LRRC37A2: variants seen among roughly 807,000 people sequenced by gnomAD.
LRRC37A2 encodes leucine rich repeat containing 37 member A2, also known as leucine-rich repeat-containing protein 37A2.
LRRC37A2 carries 9 observed loss-of-function variants against 68.8 expected under a neutral mutation model. The ratio of observed to expected loss-of-function variants is 0.13; its 90% CI spans 0.08 to 0.23. LRRC37A2 has a LOEUF of 0.23. Ranked by LOEUF, LRRC37A2 falls within the 10% of genes least tolerant of loss-of-function variation. LRRC37A2 has a pLI of 1.00. For synonymous variants in LRRC37A2, 63 were observed against 367.6 expected, an observed-to-expected ratio of 0.17 and a Z score of 9.48; for missense variants, 168 against 950.4, an observed-to-expected ratio of 0.18 and a Z score of 10.82.
At chr17:47,038,210 G>A in the LRRC37A2 span, among the ~76,000 whole-genome samples, 2 of 152,190 alleles carry the variant, frequency 1.3e-5, no homozygotes, top group Non-Finnish European at 2.9e-5. Flanking sequence ...GGTGGCTAAG[G>A]CAGGAGGATC....
the LRRC37A2 span, chr17:47,018,370 C>T: frequency 6.2e-7 from 1 of 1,610,760 alleles, no homozygotes; most frequent in African/African-American, 1.3e-5. Context: ...CATGAAGTCA[C>T]AGTTTCACCT....
chr17:46,737,998 A>G, the LRRC37A2 span, among the ~76,000 whole-genome samples: 9 of 151,964 alleles, frequency 5.9e-5, no homozygotes, highest in African/African-American at 1.9e-4. Flanking sequence ...GCAGTGACGC[A>G]GTCTCAATCA....
chr17:46,798,128 C>CA, the LRRC37A2 span, among the ~76,000 whole-genome samples: 4 of 152,168 alleles, frequency 2.6e-5, no homozygotes, highest in Non-Finnish European at 5.9e-5. Context: ...GGGGCTTCAC[C>CA]ATGTTGGCCA....
At chr17:46,978,105 G>T in the LRRC37A2 span, 1 of 155,042 alleles carries the variant, frequency 6.4e-6, no homozygotes, top group African/African-American at 2.4e-5. Flanking sequence ...TCCGCCAGGA[G>T]GGTACATGCC....
chr17:46,755,309 T>G, the LRRC37A2 span: 1 of 1,612,046 alleles, frequency 6.2e-7, no homozygotes, highest in Non-Finnish European at 8.5e-7. Flanking sequence ...TTCTGATGTA[T>G]TTAGATGGAT....
the LRRC37A2 span, among the ~76,000 whole-genome samples, chr17:46,897,583 A>G: frequency 6.6e-6 from 1 of 152,084 alleles, no homozygotes; most frequent in Non-Finnish European, 1.5e-5. Flanking sequence ...TCCTGGGGTG[A>G]TGGTGCTTGG....
the LRRC37A2 span, among the ~76,000 whole-genome samples, chr17:46,959,473 T>G: frequency 6.6e-6 from 1 of 152,202 alleles, no homozygotes; most frequent in Non-Finnish European, 1.5e-5. Context: ...CATCTTTCTT[T>G]TTGGAACTAA....
At chr17:46,748,999 G>C in the LRRC37A2 span, among the ~76,000 whole-genome samples, 1 of 152,152 alleles carries the variant, frequency 6.6e-6, no homozygotes, top group Admixed American at 6.5e-5. Flanking sequence ...GGCATGTGGT[G>C]GGGGAAGGGG....
chr17:46,931,114 T>C, the LRRC37A2 span: 8 of 1,595,988 alleles, frequency 5.0e-6, no homozygotes, highest in Non-Finnish European at 6.9e-6. Flanking sequence ...GAAAACGAAA[T>C]CCAAGCAAGC....
the LRRC37A2 span, among the ~76,000 whole-genome samples, chr17:46,990,898 T>C: frequency 2.0e-5 from 3 of 152,172 alleles, no homozygotes; most frequent in African/African-American, 7.2e-5. Context: ...CTTGAACTCT[T>C]GGCCTCAAGC....
chr17:46,498,993 G>A, the LRRC37A2 span, among the ~76,000 whole-genome samples: 2 of 150,366 alleles, frequency 1.3e-5, no homozygotes, highest in Admixed American at 1.3e-4. Flanking sequence ...GCATTTTAAA[G>A]TGCTTAGCAC....
chr17:46,704,932 A>C, the LRRC37A2 span: 3 of 1,448,644 alleles, frequency 2.1e-6, no homozygotes, highest in Non-Finnish European at 9.4e-7. Context: ...AGTGCCATTT[A>C]CTCAGTATTA....
chr17:46,856,941 T>TACTC, the LRRC37A2 span, among the ~76,000 whole-genome samples: 1 of 152,224 alleles, frequency 6.6e-6, no homozygotes, highest in South Asian at 2.1e-4. Context: ...AGCCCATGGC[T>TACTC]ACTCCACTTC....
the LRRC37A2 span, among the ~76,000 whole-genome samples, chr17:46,863,091 C>T: frequency 6.9e-6 from 1 of 145,756 alleles, no homozygotes; most frequent in Non-Finnish European, 1.5e-5. Flanking sequence ...AGAGCATACG[C>T]CAGCAATCAG....
the LRRC37A2 span, among the ~76,000 whole-genome samples, chr17:46,963,273 A>G: frequency 5.3e-5 from 8 of 152,238 alleles, no homozygotes; most frequent in Non-Finnish European, 1.0e-4. Flanking sequence ...AGCCAGGTGC[A>G]GTGGCTCACG....
chr17:46,722,926 GT>G, the LRRC37A2 span, among the ~76,000 whole-genome samples: 1 of 152,210 alleles, frequency 6.6e-6, no homozygotes, highest in Non-Finnish European at 1.5e-5. Context: ...CCCTCTGATA[GT>G]AATTAGCACA....
chr17:46,993,413 G>GGCAT, the LRRC37A2 span, among the ~76,000 whole-genome samples: 1 of 152,352 alleles, frequency 6.6e-6, no homozygotes, highest in Admixed American at 6.5e-5. Flanking sequence ...ATTTAAGGCA[G>GGCAT]GCATGCATAG....
the LRRC37A2 span, among the ~76,000 whole-genome samples, chr17:46,734,635 GTA>G: frequency 1.3e-5 from 2 of 152,112 alleles, no homozygotes; most frequent in Non-Finnish European, 2.9e-5. Context: ...TATAGTGAAT[GTA>G]TAGTGATCAA....
chr17:46,866,446 A>ATGTGTGTGTGAGGGAGTGTGAG, the LRRC37A2 span, among the ~76,000 whole-genome samples: 1 of 151,426 alleles, frequency 6.6e-6, no homozygotes, highest in Non-Finnish European at 1.5e-5. Context: ...ATGAATGTGG[A>ATGTGTGTGTGAGGGAGTGTGAG]TGTGTGTGTG....
Sources: gnomAD v4.1 joint callset for allele counts (sites outside exome capture counted in the v4.1 genomes callset) on GRCh38, gnomAD v4.1.1 for gene constraint, MANE v1.5 for transcripts, NCBI Gene and HGNC (gene_info 2026-07-23, HGNC 2026-07-21) for gene names.